SH3RF3: variants seen among roughly 807,000 people sequenced by gnomAD.
SH3RF3 encodes E3 ubiquitin-protein ligase SH3RF3.
In SH3RF3, 29 loss-of-function variants were observed where a neutral mutation model predicts 66.3. That is an observed-to-expected ratio of 0.44 (90% CI 0.33 to 0.60). The LOEUF is 0.60. Among genes scored for constraint, SH3RF3 ranks in the 20% least tolerant of loss-of-function variants. The probability of loss-of-function intolerance (pLI) is 0.04; values close to 1 mark genes in which losing one functional copy is unlikely to be tolerated. For missense variants in SH3RF3, 1,194 were observed against 1,190.9 expected, an observed-to-expected ratio of 1.00 and a Z score of -0.04; for synonymous variants, 583 against 532.0, an observed-to-expected ratio of 1.10 and a Z score of -1.32.
At chr2:109,464,271 A>G (rs1319676832) in intron 8 of SH3RF3, among the ~76,000 whole-genome samples, 1 of 152,200 alleles carries the variant, frequency 6.6e-6, no homozygotes, top group Non-Finnish European at 1.5e-5. Flanking sequence ...TCCACACACA[A>G]ATATACACAC....
intron 1 of SH3RF3, among the ~76,000 whole-genome samples, chr2:109,273,046 G>A (rs1032386219): frequency 1.3e-5 from 2 of 152,208 alleles, no homozygotes; most frequent in Non-Finnish European, 2.9e-5. Context: ...ACCAGTGGGA[G>A]AAAGACCAGT....
intron 1 of SH3RF3, among the ~76,000 whole-genome samples, chr2:109,162,245 A>T (rs1677505933): frequency 6.6e-6 from 1 of 152,196 alleles, no homozygotes; most frequent in Non-Finnish European, 1.5e-5. Context: ...CACTGAAGAC[A>T]AGTGGTGGTG....
intron 1 of SH3RF3, among the ~76,000 whole-genome samples, chr2:109,132,142 G>C (rs1558917021): frequency 6.6e-6 from 1 of 151,984 alleles, no homozygotes; most frequent in Non-Finnish European, 1.5e-5. Flanking sequence ...TTAATAGAGG[G>C]GCACTTATTT....
intron 1 of SH3RF3, among the ~76,000 whole-genome samples, chr2:109,322,437 C>T (rs1382192509): frequency 6.6e-6 from 1 of 152,144 alleles, no homozygotes; most frequent in Non-Finnish European, 1.5e-5. Context: ...GGTGAGTTGT[C>T]TTTGCCTGAG....
intron 2 of SH3RF3, 125 bp downstream of exon 2, chr2:109,348,074 G>C: frequency 7.5e-7 from 1 of 1,334,796 alleles, no homozygotes; most frequent in Non-Finnish European, 1.0e-6. Context: ...GCTCCTCCCG[G>C]AACCCTGGGC....
At chr2:109,308,117 A>G (rs1343629647) in intron 1 of SH3RF3, among the ~76,000 whole-genome samples, 2 of 144,562 alleles carry the variant, frequency 1.4e-5, no homozygotes, top group East Asian at 2.0e-4. Flanking sequence ...TTGCCATTCT[A>G]ACTGGTGTGA....
chr2:109,231,775 T>C lies in SH3RF3; in HGVS notation c.573+101662T>C, dbSNP rs530039759. 2.7e-3 allele frequency among the ~76,000 whole-genome samples: 413 copies of C among 152,390 alleles called. 4 individuals carry two copies. Among genetic ancestry groups the C allele is most frequent in the African/African-American group, 9.5e-3 (397 of 41,594 alleles). On this transcript the variant is annotated intron_variant, in intron 1 of 9. Coordinates refer to ENST00000309415, the MANE Select transcript of SH3RF3 (RefSeq NM_001099289.3). ...TGGGATTTATTTGTTGTGTTGGATC[T>C]TCTATTCCTTGTTCTCCTCTTATTC...
chr2:109,438,094 A>T (rs1677460715), intron 7 of SH3RF3, among the ~76,000 whole-genome samples: 1 of 152,252 alleles, frequency 6.6e-6, no homozygotes, highest in Non-Finnish European at 1.5e-5. Flanking sequence ...AACGAACACG[A>T]TGACCCATTA....
intron 5 of SH3RF3, among the ~76,000 whole-genome samples, chr2:109,426,999 C>A (rs1400927898): frequency 6.6e-6 from 1 of 151,898 alleles, no homozygotes; most frequent in African/African-American, 2.4e-5. Flanking sequence ...AGACGAGTCT[C>A]GCTCTGTCAC....
intron 9 of SH3RF3, among the ~76,000 whole-genome samples, chr2:109,499,347 T>G (rs1573300367): frequency 6.6e-6 from 1 of 151,596 alleles, no homozygotes; most frequent in Non-Finnish European, 1.5e-5. Context: ...CAGCCAGGGG[T>G]TTTTAGGCAG....
At chr2:109,140,864 C>T (rs1676931823) in intron 1 of SH3RF3, among the ~76,000 whole-genome samples, 2 of 152,152 alleles carry the variant, frequency 1.3e-5, no homozygotes, top group South Asian at 4.1e-4. Flanking sequence ...ACAGTCTGGC[C>T]CCAGGGGTAT....
intron 5 of SH3RF3, among the ~76,000 whole-genome samples, chr2:109,421,344 G>T (rs1227445717): frequency 6.6e-6 from 1 of 152,234 alleles, no homozygotes; most frequent in Admixed American, 6.5e-5. Context: ...CTCAGTAGCT[G>T]CCACTTGTTC....
chr2:109,239,142 T>C (rs1679720035), intron 1 of SH3RF3, among the ~76,000 whole-genome samples: 1 of 152,208 alleles, frequency 6.6e-6, no homozygotes, highest in African/African-American at 2.4e-5. Flanking sequence ...CTCAGAACTC[T>C]GTGAGCACTT....
At chr2:109,281,971 C>A (rs901183777) in intron 1 of SH3RF3, among the ~76,000 whole-genome samples, 2 of 151,992 alleles carry the variant, frequency 1.3e-5, no homozygotes, top group Non-Finnish European at 2.9e-5. Flanking sequence ...GCCCAATGGC[C>A]GAGCGCTGGG....
chr2:109,228,425 C>G (rs762988495), intron 1 of SH3RF3, among the ~76,000 whole-genome samples: 2 of 152,128 alleles, frequency 1.3e-5, no homozygotes, highest in African/African-American at 2.4e-5. Flanking sequence ...CACAATGCAC[C>G]CAGAACACTT....
At chr2:109,453,179 G>A (rs955849002) in intron 8 of SH3RF3, among the ~76,000 whole-genome samples, 2 of 152,090 alleles carry the variant, frequency 1.3e-5, no homozygotes, top group African/African-American at 2.4e-5. Flanking sequence ...GCTCCTCTCT[G>A]GGCCCAGGCA....
At chr2:109,268,861 A>G (rs147257804) in intron 1 of SH3RF3, among the ~76,000 whole-genome samples, 103 of 152,316 alleles carry the variant, frequency 6.8e-4, no homozygotes, top group African/African-American at 2.2e-3. Flanking sequence ...GGTGTATTCA[A>G]TGAATTTCAG....
chr2:109,499,234 G>A (rs532093987), intron 9 of SH3RF3, among the ~76,000 whole-genome samples: 1 of 152,156 alleles, frequency 6.6e-6, no homozygotes. Flanking sequence ...CTCGGCGTCT[G>A]TGGAGATGGG....
chr2:109,172,716 G>A (rs1264129606), intron 1 of SH3RF3, among the ~76,000 whole-genome samples: 1 of 152,174 alleles, frequency 6.6e-6, no homozygotes, highest in Admixed American at 6.5e-5. Flanking sequence ...ACACATGTCT[G>A]CCCATGTTGA....
Sources: gnomAD v4.1 joint callset for allele counts (sites outside exome capture counted in the v4.1 genomes callset) on GRCh38, gnomAD v4.1.1 for gene constraint, MANE v1.5 for transcripts, NCBI Gene and HGNC (gene_info 2026-07-23, HGNC 2026-07-21) for gene names.